The following PDE10A variants were observed in gnomAD, a reference collection of about 807,000 sequenced individuals.
PDE10A encodes phosphodiesterase 10A, also known as cAMP and cAMP-inhibited cGMP 3',5'-cyclic phosphodiesterase 10A.
PDE10A carries 39 observed loss-of-function variants against 97.7 expected under a neutral mutation model. The ratio of observed to expected loss-of-function variants is 0.40; its 90% confidence interval spans 0.31 to 0.52. PDE10A has a LOEUF of 0.52. PDE10A is among the 20% of genes least tolerant of loss of function. The pLI, the probability that PDE10A is intolerant of heterozygous loss-of-function variation, is 0.56. For synonymous variants in PDE10A, 371 were observed against 376.8 expected (o/e 0.98, Z 0.18); for missense variants, 731 against 1,047.8 (o/e 0.70, Z 4.17).
intron 18 of PDE10A, among the ~76,000 whole-genome samples, chr6:165,347,709 T>C (rs1782408916): frequency 6.6e-6 from 1 of 152,194 alleles, no homozygotes; most frequent in African/African-American, 2.4e-5. Context: ...GTTCCCCACA[T>C]TTCAGGTTCT....
intron 1 of PDE10A, among the ~76,000 whole-genome samples, chr6:165,609,729 G>C (rs970344273): frequency 2.0e-5 from 3 of 152,132 alleles, no homozygotes; most frequent in African/African-American, 7.2e-5. Context: ...CAAACAGAGA[G>C]CCAAATCATG....
chr6:165,357,461 C>G (rs1258001077), intron 18 of PDE10A, among the ~76,000 whole-genome samples: 3 of 152,024 alleles, frequency 2.0e-5, no homozygotes, highest in African/African-American at 7.2e-5. Flanking sequence ...AGCTTTTGTG[C>G]AAGATTGTTT....
At chr6:165,883,685 G>A (rs962886174) in intron 1 of PDE10A, among the ~76,000 whole-genome samples, 2 of 152,110 alleles carry the variant, frequency 1.3e-5, no homozygotes, top group African/African-American at 4.8e-5. Context: ...GAGTGGCAGA[G>A]GCGGGCTTGC....
intron 1 of PDE10A, among the ~76,000 whole-genome samples, chr6:165,767,215 A>AG (rs1777877484): frequency 1.3e-5 from 2 of 152,232 alleles, no homozygotes; most frequent in Admixed American, 6.5e-5. Flanking sequence ...TTGTTAGACT[A>AG]GGGGACTAAA....
chr6:165,435,254 C>T lies in PDE10A; in HGVS notation c.1318G>A (p.Val440Ile), dbSNP rs1036682314. The T allele has an allele frequency of 8.1e-6, 13 of 1,613,926 alleles. No homozygotes were observed. The East Asian group carries it at 1.6e-4, about 19-fold the overall frequency. ...YVAKSRKTLL[V>I]EDILGDERFP... Reference sequence around the variant, plus strand: ...CCACTTACTCCAAGGATGTCTTCTACTAGCAGTGTTTTCCTGGACTTGGCC... The same window carrying T: ...CCACTTACTCCAAGGATGTCTTCTATTAGCAGTGTTTTCCTGGACTTGGCC... Residue 440 changes from valine to isoleucine, a missense_variant, in exon 6 of 22, where the codon GTA (valine) becomes ATA (isoleucine). Physicochemically the swap from Val to Ile is conservative, Grantham distance 29 (BLOSUM62 3). This residue lies in a region of PDE10A where 152 missense variants were observed against 199.3 expected (regional missense o/e 0.76). Transcript: ENST00000539869.
chr6:165,447,236 T>C (rs980608489), intron 5 of PDE10A, among the ~76,000 whole-genome samples: 26 of 152,246 alleles, frequency 1.7e-4, no homozygotes, highest in Non-Finnish European at 5.9e-5. Context: ...TCTCAGTCTC[T>C]GCCCGCAGCT....
chr6:165,969,075 A>G (rs567952139), intron 1 of PDE10A, among the ~76,000 whole-genome samples: 112 of 152,354 alleles, frequency 7.4e-4, no homozygotes, highest in Middle Eastern at 6.8e-3. Flanking sequence ...GACATTCTGG[A>G]AGCATTTGAC....
At chr6:165,668,944 GGAGA>G (rs1790570327) in intron 1 of PDE10A, among the ~76,000 whole-genome samples, 1 of 152,184 alleles carries the variant, frequency 6.6e-6, no homozygotes, top group South Asian at 2.1e-4. Flanking sequence ...AACAGAAAAA[GGAGA>G]GAGAAAGTTT....
chr6:165,783,121 G>A (rs1778390316), intron 1 of PDE10A, among the ~76,000 whole-genome samples: 1 of 152,186 alleles, frequency 6.6e-6, no homozygotes, highest in African/African-American at 2.4e-5. Flanking sequence ...ATCTAAAATA[G>A]TGTTGAAAAT....
At chr6:165,936,796 A>G (rs968304301) in intron 1 of PDE10A, among the ~76,000 whole-genome samples, 2 of 152,210 alleles carry the variant, frequency 1.3e-5, no homozygotes, top group Non-Finnish European at 2.9e-5. Context: ...GGGGAGCCTC[A>G]TTGTTCCCCA....
intron 18 of PDE10A, among the ~76,000 whole-genome samples, chr6:165,369,077 G>T (rs1393411377): frequency 6.6e-6 from 1 of 151,628 alleles, no homozygotes; most frequent in African/African-American, 2.4e-5. Context: ...AAACCCATCT[G>T]TACATCACCA....
intron 2 of PDE10A, among the ~76,000 whole-genome samples, chr6:165,531,974 C>A (rs1295960828): frequency 6.6e-6 from 1 of 152,134 alleles, no homozygotes; most frequent in Non-Finnish European, 1.5e-5. Context: ...CATACCACAT[C>A]AAAATTACTG....
At chr6:165,966,132 C>T (rs774063904) in intron 1 of PDE10A, among the ~76,000 whole-genome samples, 1 of 152,182 alleles carries the variant, frequency 6.6e-6, no homozygotes, top group Non-Finnish European at 1.5e-5. Context: ...TTCAATAATG[C>T]CTCCTCGAAA....
rs920204961 is a variant in PDE10A, at chr6:165,327,371, TCATA to T, written c.*5650_*5653del. 5.9e-5 allele frequency: 9 copies of T among 152,324 alleles called. No individual in the cohort carries two copies. Among genetic ancestry groups the T allele is most frequent in the African/African-American group, 1.7e-4 (7 of 41,584 alleles). 9.4% of individuals were successfully genotyped at this position (152,324 alleles called of 1,614,324 possible). ...AACATTTCTAAATATATTTCATGTA[TCATA>T]CATATATATATTTTATGTGTATAAT... On this transcript the variant is annotated 3_prime_UTR_variant, in exon 22 of 22. Coordinates refer to ENST00000539869, the MANE Select transcript of PDE10A (RefSeq NM_001385079.1).
At chr6:165,653,537 G>T (rs1789788860) in intron 1 of PDE10A, among the ~76,000 whole-genome samples, 1 of 152,182 alleles carries the variant, frequency 6.6e-6, no homozygotes, top group Non-Finnish European at 1.5e-5. Context: ...GAGCAGAAAG[G>T]CCAGAGAGCT....
At chr6:165,516,663 A>T (rs183084136) in intron 2 of PDE10A, among the ~76,000 whole-genome samples, 11 of 152,366 alleles carry the variant, frequency 7.2e-5, no homozygotes, top group African/African-American at 2.4e-4. Flanking sequence ...AGTGAGGTTA[A>T]CGTGAAAGCT....
At chr6:165,728,847 C>T (rs148500331) in intron 1 of PDE10A, among the ~76,000 whole-genome samples, 1 of 152,264 alleles carries the variant, frequency 6.6e-6, no homozygotes, top group Non-Finnish European at 1.5e-5. Context: ...TCTGACTTCT[C>T]AGTTTTTGAG....
At chr6:165,478,816 C>A (rs1458960318) in intron 3 of PDE10A, among the ~76,000 whole-genome samples, 2 of 152,152 alleles carry the variant, frequency 1.3e-5, no homozygotes, top group Non-Finnish European at 2.9e-5. Context: ...CTCCAAAACC[C>A]TTACCTTAAG....
intron 18 of PDE10A, among the ~76,000 whole-genome samples, chr6:165,371,270 A>C (rs1466977031): frequency 6.6e-6 from 1 of 152,116 alleles, no homozygotes; most frequent in East Asian, 1.9e-4. Context: ...AAAACATTTC[A>C]AAAAATTAAT....
Sources: gnomAD v4.1 joint callset for allele counts (sites outside exome capture counted in the v4.1 genomes callset) on GRCh38, gnomAD v4.1.1 for gene constraint, gnomAD v4.1.1 regional missense constraint, MANE v1.5 for transcripts, NCBI Gene and HGNC (gene_info 2026-07-23, HGNC 2026-07-21) for gene names.